The following GFOD1 variants were observed in gnomAD, a reference collection of about 807,000 sequenced individuals.
GFOD1 encodes the protein Gfo/Idh/MocA-like oxidoreductase domain containing 1.
Under a neutral mutation model 25.4 loss-of-function variants are expected in GFOD1, and 9 were observed. The ratio of observed to expected loss-of-function variants is 0.35; its 90% confidence interval spans 0.21 to 0.62. The LOEUF is 0.62. Ranked by LOEUF, GFOD1 falls within the 20% of genes least tolerant of loss-of-function variation. The pLI is 0.72. For synonymous variants in GFOD1, 253 were observed against 245.6 expected, an observed-to-expected ratio of 1.03 and a Z score of -0.28; for missense variants, 403 against 556.9, an observed-to-expected ratio of 0.72 and a Z score of 2.78.
intron 1 of GFOD1, among the ~76,000 whole-genome samples, chr6:13,418,050 T>A (rs1786191097): frequency 6.6e-6 from 1 of 152,214 alleles, no homozygotes; most frequent in Non-Finnish European, 1.5e-5. Context: ...CTTGGGTCTG[T>A]CATCCTCCTG....
intron 1 of GFOD1, among the ~76,000 whole-genome samples, chr6:13,482,787 C>T (rs991144487): frequency 6.6e-6 from 1 of 151,926 alleles, no homozygotes; most frequent in African/African-American, 2.4e-5. Flanking sequence ...AATTAAATTC[C>T]CATACATATA....
intron 1 of GFOD1, among the ~76,000 whole-genome samples, chr6:13,385,122 A>G (rs542299115): frequency 6.6e-6 from 1 of 152,238 alleles, no homozygotes; most frequent in Non-Finnish European, 1.5e-5. Context: ...CTGCTCAGTA[A>G]CCGGGAGAGT....
intron 1 of GFOD1, among the ~76,000 whole-genome samples, chr6:13,387,277 C>G (rs10807431): frequency 2.0e-5 from 3 of 151,930 alleles, no homozygotes; most frequent in Non-Finnish European, 4.4e-5. Context: ...AAGGGAATGT[C>G]GGATCCTGAT....
intron 1 of GFOD1, among the ~76,000 whole-genome samples, chr6:13,451,707 G>A (rs989869259): frequency 2.0e-5 from 3 of 152,230 alleles, no homozygotes; most frequent in South Asian, 2.1e-4. Context: ...AGCAATTGCA[G>A]AAGGTGGCAA....
At chr6:13,404,876 T>C (rs1159283109) in intron 1 of GFOD1, among the ~76,000 whole-genome samples, 2 of 152,230 alleles carry the variant, frequency 1.3e-5, no homozygotes, top group Non-Finnish European at 2.9e-5. Context: ...AAATTCCACC[T>C]TTGGGTCAAA....
At chr6:13,418,677 T>G (rs1235764688) in intron 1 of GFOD1, among the ~76,000 whole-genome samples, 1 of 152,142 alleles carries the variant, frequency 6.6e-6, no homozygotes, top group Non-Finnish European at 1.5e-5. Flanking sequence ...ACTCTTAGCT[T>G]AGAACTGTGA....
At position 13,403,164 on chromosome 6, in the gene GFOD1, C is replaced by T. The variant is rs192472162; in HGVS notation, c.254-37502G>A. 2.4e-3 allele frequency among the ~76,000 whole-genome samples: 347 copies of T among 146,888 alleles called. 2 individuals are homozygous for T. The highest frequency in any genetic ancestry group is 7.9e-3 in the African/African-American group (314 of 39,706). The stretch of plus-strand genomic sequence containing the variant: ...TTTTTGAGACGGAGTCTCGCTCTGT[C>T]GCCCAGGCTGGAGTACAGTGGTGCG... On this transcript the variant is annotated intron_variant, in intron 1 of 1. Transcript: ENST00000379287.
At chr6:13,428,898 C>A (rs1388734915) in intron 1 of GFOD1, among the ~76,000 whole-genome samples, 1 of 152,210 alleles carries the variant, frequency 6.6e-6, no homozygotes, top group African/African-American at 2.4e-5. Context: ...TAGCTTCCCG[C>A]CTGCTTTTTC....
chr6:13,422,412 C>T (rs1296083115), intron 1 of GFOD1, among the ~76,000 whole-genome samples: 1 of 152,122 alleles, frequency 6.6e-6, no homozygotes, highest in Non-Finnish European at 1.5e-5. Flanking sequence ...CACCAAGTGA[C>T]ACTTAGTGTC....
At chr6:13,418,945 G>A (rs1222150145) in intron 1 of GFOD1, among the ~76,000 whole-genome samples, 1 of 152,206 alleles carries the variant, frequency 6.6e-6, no homozygotes, top group African/African-American at 2.4e-5. Flanking sequence ...ACAGGTGCTG[G>A]AGCTAACAGA....
At chr6:13,447,991 T>G (rs1758034533) in intron 1 of GFOD1, among the ~76,000 whole-genome samples, 1 of 148,112 alleles carries the variant, frequency 6.8e-6, no homozygotes. Context: ...TGGTAGAATT[T>G]GGGGTGGATT....
chr6:13,385,239 C>A (rs986063055), intron 1 of GFOD1, among the ~76,000 whole-genome samples: 1 of 152,172 alleles, frequency 6.6e-6, no homozygotes, highest in African/African-American at 2.4e-5. Context: ...CGTGTGCCAG[C>A]CTTCCGTGTA....
chr6:13,409,574 C>A (rs1008124767), intron 1 of GFOD1, among the ~76,000 whole-genome samples: 1 of 152,110 alleles, frequency 6.6e-6, no homozygotes, highest in South Asian at 2.1e-4. Context: ...GAGTATAACA[C>A]ATAGTTTATT....
chr6:13,395,638 A>G (rs1785713950), intron 1 of GFOD1, among the ~76,000 whole-genome samples: 1 of 152,250 alleles, frequency 6.6e-6, no homozygotes, highest in Admixed American at 6.5e-5. Context: ...TGGATCAAAT[A>G]AAGATAACTT....
At position 13,363,555 on chromosome 6, in the gene GFOD1, C is replaced by CTTTTTTTT. The variant is rs72062296; in HGVS notation, c.*1180_*1187dup. The CTTTTTTTT allele has an allele frequency of 2.5e-5, 2 of 78,940 alleles. No individual in the cohort carries two copies. Among genetic ancestry groups the CTTTTTTTT allele is most frequent in the African/African-American group, 9.4e-5 (2 of 21,176 alleles). 4.9% of individuals were successfully genotyped at this position (78,940 alleles called of 1,614,324 possible). A position where few individuals can be genotyped will look rare whatever the true frequency, so the allele number is the denominator to read the frequency against. On this transcript the variant is annotated 3_prime_UTR_variant, in exon 2 of 2. Transcript: ENST00000379287. ...GCAAATGCTGGAGCTAAGGAAAATC[C>CTTTTTTTT]TTTTTTTTTTTTTTTTTTTTTTTTT...
At chr6:13,469,015 A>G (rs2127576927) in intron 1 of GFOD1, among the ~76,000 whole-genome samples, 1 of 152,344 alleles carries the variant, frequency 6.6e-6, no homozygotes, top group African/African-American at 2.4e-5. Context: ...GTGGAATTCA[A>G]CAGACCTTGC....
Position 13,361,423 on chromosome 6 carries a change from C to A in GFOD1, c.*3320G>T, listed in dbSNP as rs1468620459. ...AAATGGGAAGACTCTTAAAGCACTG[C>A]CTCCTTGCATCGAGGCCCTTGAAAC... On this transcript the variant is annotated 3_prime_UTR_variant, in exon 2 of 2. Coordinates refer to ENST00000379287, the MANE Select transcript of GFOD1 (RefSeq NM_018988.4). 1.3e-5 allele frequency: 2 copies of A among 155,178 alleles called. No homozygotes were observed. Among genetic ancestry groups the A allele is most frequent in the Admixed American group, 1.3e-4 (2 of 15,936 alleles). 9.6% of individuals were successfully genotyped at this position (155,178 alleles called of 1,614,324 possible). A position where few individuals can be genotyped will look rare whatever the true frequency, so the allele number is the denominator to read the frequency against.
At chr6:13,480,545 C>T (rs995819793) in intron 1 of GFOD1, among the ~76,000 whole-genome samples, 3 of 152,168 alleles carry the variant, frequency 2.0e-5, no homozygotes, top group Admixed American at 6.5e-5. Context: ...GGCAGGGTCT[C>T]ACTCTGTCGC....
At chr6:13,442,782 C>T (rs1016052562) in intron 1 of GFOD1, among the ~76,000 whole-genome samples, 2 of 152,220 alleles carry the variant, frequency 1.3e-5, no homozygotes, top group Non-Finnish European at 2.9e-5. Flanking sequence ...CGAACCATTA[C>T]TGCTTATTGA....
Sources: gnomAD v4.1 joint callset for allele counts (sites outside exome capture counted in the v4.1 genomes callset) on GRCh38, gnomAD v4.1.1 for gene constraint, MANE v1.5 for transcripts, NCBI Gene and HGNC (gene_info 2026-07-23, HGNC 2026-07-21) for gene names.